Variants in LMF1 observed in about 807,000 individuals in gnomAD.
LMF1 encodes the protein transmembrane protein 112.
In LMF1, 68 loss-of-function variants were observed where a neutral mutation model predicts 60.6. The ratio of observed to expected loss-of-function variants is 1.12; its 90% CI spans 0.92 to 1.37. The LOEUF is 1.37. Among genes scored for constraint, LMF1 ranks in the 40% most tolerant of loss-of-function variants. The pLI, the probability that LMF1 is intolerant of heterozygous loss-of-function variation, is 0.00. For synonymous variants in LMF1, 418 were observed against 324.7 expected, an observed-to-expected ratio of 1.29 and a Z score of -3.09; for missense variants, 948 against 767.2, an observed-to-expected ratio of 1.24 and a Z score of -2.78.
intron 10 of LMF1, among the ~76,000 whole-genome samples, chr16:868,628 C>G (rs2069678483): frequency 6.6e-6 from 1 of 152,178 alleles, no homozygotes; most frequent in African/African-American, 2.4e-5. Context: ...GCAGAGGTGG[C>G]ACCTAGAGGA....
At chr16:957,689 G>C (rs1157449499) in intron 1 of LMF1, among the ~76,000 whole-genome samples, 1 of 152,182 alleles carries the variant, frequency 6.6e-6, no homozygotes, top group Non-Finnish European at 1.5e-5. Context: ...TTACTAAAAA[G>C]CTAATCAAGA....
intron 1 of LMF1, among the ~76,000 whole-genome samples, chr16:957,010 A>C (rs1012073166): frequency 6.6e-6 from 1 of 151,990 alleles, no homozygotes; most frequent in African/African-American, 2.4e-5. Flanking sequence ...TACAAAAATT[A>C]GTCGGATGTG....
chr16:855,584 C>T (rs569365994), intron 10 of LMF1: 11 of 390,948 alleles, frequency 2.8e-5, no homozygotes, highest in East Asian at 7.2e-5. Flanking sequence ...CACAAGCTCC[C>T]GGCCCTCCAG....
chr16:916,696 T>C (rs565008535), intron 3 of LMF1, among the ~76,000 whole-genome samples: 1 of 152,224 alleles, frequency 6.6e-6, no homozygotes, highest in Non-Finnish European at 1.5e-5. Flanking sequence ...CTTCTCCATG[T>C]CTCTGGCCAC....
At chr16:859,882 G>T (rs2069396343) in intron 10 of LMF1, among the ~76,000 whole-genome samples, 1 of 141,390 alleles carries the variant, frequency 7.1e-6, no homozygotes, top group Admixed American at 6.8e-5. Context: ...CGGGATGGGT[G>T]TGAGTGGTGT....
intron 5 of LMF1, among the ~76,000 whole-genome samples, chr16:884,629 G>C (rs1654261880): frequency 6.6e-6 from 1 of 151,976 alleles, no homozygotes. Context: ...TCTGGAAGTG[G>C]TGATGTTAGG....
chr16:915,716 G>C (rs1289967950), intron 3 of LMF1, among the ~76,000 whole-genome samples: 1 of 152,250 alleles, frequency 6.6e-6, no homozygotes, highest in African/African-American at 2.4e-5. Context: ...CCTGAGATGG[G>C]GTTTTCCGGA....
intron 1 of LMF1, among the ~76,000 whole-genome samples, chr16:955,467 G>GCACA (rs1279558055): frequency 0.013 from 1,204 of 92,974 alleles, 36 homozygotes; most frequent in African/African-American, 0.017. Flanking sequence ...CGCGGTGTGT[G>GCACA]CATACACACA....
intron 3 of LMF1, among the ~76,000 whole-genome samples, chr16:930,876 T>C (rs2071761773): frequency 1.3e-5 from 2 of 151,856 alleles, no homozygotes; most frequent in South Asian, 4.2e-4. Flanking sequence ...ATCCCAGCAC[T>C]TTGGGAGGCT....
intron 1 of LMF1, chr16:976,631 T>C (rs558770433): frequency 4.4e-6 from 2 of 454,016 alleles, no homozygotes; most frequent in East Asian, 6.9e-5. Context: ...AGCAAATGCG[T>C]GCTGTTGGCG....
intron 5 of LMF1, 90 bp downstream of exon 5, chr16:892,917 C>G: frequency 2.0e-6 from 2 of 984,874 alleles, no homozygotes; most frequent in Non-Finnish European, 1.5e-6. Flanking sequence ...CGACAGCTCA[C>G]CAGGGTGTGC....
At chr16:912,611 C>G (rs918875074) in intron 3 of LMF1, among the ~76,000 whole-genome samples, 3 of 152,224 alleles carry the variant, frequency 2.0e-5, no homozygotes, top group Non-Finnish European at 4.4e-5. Context: ...ATGGAGGGCA[C>G]AGGCTGCCAA....
intron 4 of LMF1, 22 bp from the exon 5 acceptor site, chr16:893,094 G>A: frequency 1.3e-6 from 2 of 1,550,262 alleles, no homozygotes; most frequent in Non-Finnish European, 1.7e-6. Flanking sequence ...AGAGCAGAGG[G>A]AGAGTCAGTC....
At chr16:887,241 G>A (rs1178381590) in intron 5 of LMF1, 1 of 152,376 alleles carries the variant, frequency 6.6e-6, no homozygotes, top group Non-Finnish European at 1.5e-5. Flanking sequence ...GAGGATAGAA[G>A]GTTGTGTTGA....
At chr16:949,712 A>C (rs371038571) in intron 2 of LMF1, among the ~76,000 whole-genome samples, 75 of 102,330 alleles carry the variant, frequency 7.3e-4, no homozygotes, top group South Asian at 1.6e-3. Context: ...AGAGTCAGAG[A>C]CAACGACAGA....
intron 5 of LMF1, among the ~76,000 whole-genome samples, chr16:889,759 T>C (rs1270271166): frequency 1.3e-5 from 2 of 152,100 alleles, no homozygotes; most frequent in African/African-American, 2.4e-5. Flanking sequence ...AGGTCCTCCT[T>C]GGAGAGAGGA....
intron 2 of LMF1, among the ~76,000 whole-genome samples, chr16:953,990 CCA>C (rs1567312315): frequency 1.0e-5 from 1 of 97,336 alleles, no homozygotes; most frequent in Non-Finnish European, 2.2e-5. Flanking sequence ...CACAGACACC[CCA>C]AACCAGCCTC....
chr16:877,316 GCCT>G lies in LMF1; in HGVS notation c.897+2251_897+2253del, dbSNP rs2070020868. Among the ~76,000 whole-genome samples the G allele has an allele frequency of 2.6e-5, 4 of 152,320 alleles. 1 individual carries two copies. The South Asian group carries it at 8.3e-4, about 32-fold the overall frequency. On this transcript the variant is annotated intron_variant, in intron 6 of 10. Transcript: ENST00000262301. The stretch of plus-strand genomic sequence containing the variant: ...CAGGGAAATGTTCACCACAAAAACT[GCCT>G]CAAGTCAAGAAGGAATGGAAACTCT...
intron 5 of LMF1, among the ~76,000 whole-genome samples, chr16:885,557 C>G (rs890816411): frequency 6.6e-6 from 1 of 152,182 alleles, no homozygotes; most frequent in African/African-American, 2.4e-5. Flanking sequence ...ACATACCATA[C>G]AAACACGAGC....
Sources: allele counts gnomAD v4.1 joint callset (sites outside exome capture counted in the v4.1 genomes callset), GRCh38; gene constraint gnomAD v4.1.1; transcripts MANE v1.5; gene names NCBI Gene and HGNC (gene_info 2026-07-23, HGNC 2026-07-21).